FPGS: variants seen among roughly 807,000 people sequenced by gnomAD.
The protein encoded by FPGS is folylpolyglutamate synthase, mitochondrial.
Under a neutral mutation model 66.5 loss-of-function variants are expected in FPGS, and 53 were observed. That is an observed-to-expected ratio of 0.80 (90% confidence interval 0.64 to 1.00). The LOEUF (loss-of-function observed/expected upper bound fraction) is 1.00. Among genes scored for constraint, FPGS ranks in the 50% least tolerant of loss-of-function variants. The pLI is 0.00. For missense variants in FPGS, 702 were observed against 807.7 expected, an observed-to-expected ratio of 0.87 and a Z score of 1.59; for synonymous variants, 348 against 350.9, an observed-to-expected ratio of 0.99 and a Z score of 0.09.
At chr9:127,811,325 A>G (rs910905383) in intron 14 of FPGS, among the ~76,000 whole-genome samples, 4 of 151,844 alleles carry the variant, frequency 2.6e-5, no homozygotes, top group African/African-American at 7.3e-5. Context: ...AAAAAAAAAT[A>G]CAAAAAATTA....
intron 8 of FPGS, chr9:127,808,024 C>T (rs7847684): frequency 0.023 from 13,102 of 580,396 alleles, 1,035 homozygotes; most frequent in African/African-American, 0.19. Context: ...GAGAATCACT[C>T]GAACCCGGGA....
Position 127,807,177 on chromosome 9 carries a change from G to C in FPGS, c.502-32G>C. ...TCTCCCCAGAGAAGGGGCTGCATGGGCTCTGGGCCCTGACATGTCCCTGTG... is the reference window on the plus strand; with the variant it reads ...TCTCCCCAGAGAAGGGGCTGCATGGCCTCTGGGCCCTGACATGTCCCTGTG... On this transcript the variant is annotated intron_variant, in intron 5 of 14. Transcript: ENST00000373247. The surrounding 1 kb of genome is among the most constrained non-coding windows in gnomAD (Gnocchi z 5.8). 1 of 1,613,218 alleles carries C rather than the reference G, an allele frequency of 6.2e-7. No individual in the cohort carries two copies. The highest frequency in any genetic ancestry group is 8.5e-7 in the Non-Finnish European group (1 of 1,179,326).
At position 127,807,516 on chromosome 9, in the gene FPGS, C is replaced by T. The variant is rs751568046; in HGVS notation, c.641+34C>T. ...AGTTGCTTGGGACGAGGGGTGGCAG[C>T]CAGGAGCACAGCCTCACCTGCCGCC... On this transcript the variant is annotated intron_variant, in intron 7 of 14. Transcript: ENST00000373247. This position sits in a 1 kb window ranked among gnomAD's most constrained non-coding sequence, Gnocchi z 5.8. The T allele has an allele frequency of 6.2e-7, 1 of 1,613,156 alleles. No homozygotes were observed. The highest frequency in any genetic ancestry group is 1.1e-5 in the South Asian group (1 of 91,054).
In FPGS at chr9:127,807,449, T is replaced by C; in HGVS notation, c.608T>C (p.Ile203Thr). 1 of 1,614,120 alleles carries C rather than the reference T, an allele frequency of 6.2e-7. No individual in the cohort carries two copies. Among genetic ancestry groups the C allele is most frequent in the Middle Eastern group, 1.7e-4 (1 of 6,060 alleles). Reference sequence around the variant, plus strand: ...GACCTGGCAGTGGTGGAGGTGGGCATTGGCGGGGCTTATGACTGCACCAAC... The same window carrying C: ...GACCTGGCAGTGGTGGAGGTGGGCACTGGCGGGGCTTATGACTGCACCAAC... Reference protein sequence around the residue: ...KVDLAVVEVGIGGAYDCTNII... With the variant: ...KVDLAVVEVGTGGAYDCTNII... The change falls in exon 7 of 15, where the codon ATT (isoleucine) becomes ACT (threonine). Residue 203 changes from isoleucine to threonine, a missense_variant. Ile to Thr is a moderately conservative substitution (Grantham distance 89). This residue lies in a region of FPGS where 240 missense variants were observed against 348.6 expected (regional missense o/e 0.69). Coordinates refer to ENST00000373247, the MANE Select transcript of FPGS (RefSeq NM_004957.6). This position sits in a 1 kb window ranked among gnomAD's most constrained non-coding sequence, Gnocchi z 5.8.
intron 13 of FPGS, 73 bp from the exon 14 acceptor site, chr9:127,810,872 G>T (rs1830043308): frequency 2.7e-6 from 2 of 753,636 alleles, no homozygotes; most frequent in Non-Finnish European, 2.3e-6. Context: ...AGATGTGGGC[G>T]CAGGGGGCCA....
intron 2 of FPGS, 25 bp downstream of exon 2, chr9:127,804,438 A>T (rs1829727166): frequency 6.2e-7 from 1 of 1,613,232 alleles, no homozygotes. Context: ...GCCTGTGACC[A>T]CCTCCCACCC....
chr9:127,805,362 A>G (rs972825210), intron 4 of FPGS, among the ~76,000 whole-genome samples: 1 of 151,978 alleles, frequency 6.6e-6, no homozygotes, highest in Non-Finnish European at 1.5e-5. Flanking sequence ...GTTAGCAGTG[A>G]TCATGCCATT....
At chr9:127,806,916 G>A (rs955093138) in intron 4 of FPGS, 57 bp from the exon 5 acceptor site, 23 of 1,303,750 alleles carry the variant, frequency 1.8e-5, no homozygotes, top group Middle Eastern at 4.7e-4. Flanking sequence ...CCTGCAGGGT[G>A]GGGGAAGGCC....
In FPGS at chr9:127,813,980, T is replaced by C; in HGVS notation, c.*376T>C. 9.5e-7 allele frequency: 1 copy of C among 1,054,346 alleles called. No homozygotes were observed. The highest frequency in any genetic ancestry group is 1.1e-6 in the Non-Finnish European group (1 of 875,454). The allele number at this position is 1,054,346 out of a possible 1,614,324, so 65.3% of individuals were successfully genotyped here. ...TAGATTTCCTCCTCCCAGTGCCTTCTGGGAAGGGAGAGGGCCTCTGCCTGG... is the reference window on the plus strand; with the variant it reads ...TAGATTTCCTCCTCCCAGTGCCTTCCGGGAAGGGAGAGGGCCTCTGCCTGG... On this transcript the variant is annotated 3_prime_UTR_variant, in exon 15 of 15. Coordinates refer to ENST00000373247, the MANE Select transcript of FPGS (RefSeq NM_004957.6).
chr9:127,807,478 A>G lies in FPGS; in HGVS notation c.637A>G (p.Ile213Val). 2 of 1,614,068 alleles carry G rather than the reference A, an allele frequency of 1.2e-6. No homozygotes were observed. The highest frequency in any genetic ancestry group is 1.1e-5 in the South Asian group (1 of 91,080). ...CGGGGCTTATGACTGCACCAACATC[A>G]TCAGGTGAGCGCAGTTGCTTGGGAC... is the stretch of plus-strand genomic sequence containing the variant. Reference protein sequence around the residue: ...IGGAYDCTNIIRKPVVCGVSS... With the variant: ...IGGAYDCTNIVRKPVVCGVSS... Residue 213 changes from isoleucine (I) to valine (V), a missense_variant, in exon 7 of 15, where the codon ATC becomes GTC. By Grantham distance (29) the Ile-to-Val change is conservative. This residue lies in a region of FPGS where 240 missense variants were observed against 348.6 expected (regional missense o/e 0.69). Coordinates refer to ENST00000373247, the MANE Select transcript of FPGS (RefSeq NM_004957.6). The surrounding 1 kb of genome is among the most constrained non-coding windows in gnomAD (Gnocchi z 5.8).
chr9:127,803,777 T>A (rs957282271), intron 1 of FPGS, among the ~76,000 whole-genome samples: 2 of 152,110 alleles, frequency 1.3e-5, no homozygotes, highest in African/African-American at 2.4e-5. Context: ...CTACCTGCCT[T>A]CCTGGCTGAG....
At chr9:127,808,200 G>A (rs1387172366) in intron 8 of FPGS, 34 bp from the exon 9 acceptor site, 3 of 1,544,240 alleles carry the variant, frequency 1.9e-6, no homozygotes, top group East Asian at 2.2e-5. Flanking sequence ...GAGGATGCTA[G>A]GTAGCCCTTT....
chr9:127,808,388 G>A, intron 9 of FPGS, 77 bp downstream of exon 9: 2 of 1,486,726 alleles, frequency 1.3e-6, no homozygotes, highest in Non-Finnish European at 1.9e-6. Context: ...CATCCTCTGG[G>A]GCCTCAGTTT....
chr9:127,810,465 C>A (rs1017173001), intron 13 of FPGS, among the ~76,000 whole-genome samples: 5 of 152,064 alleles, frequency 3.3e-5, no homozygotes, highest in Non-Finnish European at 5.9e-5. Flanking sequence ...GGGGTTGCTG[C>A]TAGGGGCACC....
At chr9:127,804,868 C>A in intron 4 of FPGS, 168 bp downstream of exon 4, 1 of 666,854 alleles carries the variant, frequency 1.5e-6, no homozygotes. Context: ...ACCATATTGG[C>A]CCATGTTTAT....
intron 1 of FPGS, among the ~76,000 whole-genome samples, chr9:127,803,906 G>A (rs2183471): frequency 0.73 from 110,250 of 152,052 alleles, 40,944 homozygotes; most frequent in East Asian, 0.97. Context: ...GAATACCCCA[G>A]CCTTCTGTAG....
chr9:127,804,158 G>T, intron 1 of FPGS, 127 bp from the exon 2 acceptor site: 1 of 1,222,372 alleles, frequency 8.2e-7, no homozygotes, highest in Non-Finnish European at 1.2e-6. Context: ...GGCTAACAGT[G>T]CTGGCATGGC....
At chr9:127,809,281 C>T (rs555387050) in intron 11 of FPGS, among the ~76,000 whole-genome samples, 30 of 152,314 alleles carry the variant, frequency 2.0e-4, no homozygotes, top group African/African-American at 7.2e-4. Flanking sequence ...TCATCTGCTT[C>T]TTGCCTCCCC....
chr9:127,803,761 C>T (rs1374014535), intron 1 of FPGS, among the ~76,000 whole-genome samples: 2 of 152,152 alleles, frequency 1.3e-5, no homozygotes, highest in South Asian at 4.1e-4. Context: ...CCTCCTGAAG[C>T]CGTACCTACC....
Sources: allele counts gnomAD v4.1 joint callset (sites outside exome capture counted in the v4.1 genomes callset), GRCh38; gene constraint gnomAD v4.1.1; regional missense constraint gnomAD v4.1.1; non-coding constraint Gnocchi (gnomAD v3.1); transcripts MANE v1.5; gene names NCBI Gene and HGNC (gene_info 2026-07-23, HGNC 2026-07-21).